Variants in PYGL observed in about 807,000 individuals in gnomAD.
PYGL encodes glycogen phosphorylase, liver form.
Under a neutral mutation model 100.1 loss-of-function variants are expected in PYGL, and 90 were observed. That is an observed-to-expected ratio of 0.90 (90% CI 0.76 to 1.07). The LOEUF is 1.07. PYGL is among the 50% of genes least tolerant of loss of function. The probability of loss-of-function intolerance (pLI) is 0.00; values close to 1 mark genes in which losing one functional copy is unlikely to be tolerated. For synonymous variants in PYGL, 373 were observed against 393.0 expected (o/e 0.95, Z 0.60); for missense variants, 1,016 against 1,057.6 (o/e 0.96, Z 0.55).
At chr14:50,929,473 C>G (rs552635061) in intron 4 of PYGL, among the ~76,000 whole-genome samples, 3 of 151,968 alleles carry the variant, frequency 2.0e-5, no homozygotes, top group African/African-American at 7.2e-5. Flanking sequence ...TTTCCTGGAA[C>G]AAAGATCATT....
chr14:50,944,124 G>A (rs755773236), intron 1 of PYGL, 37 bp downstream of exon 1: 2 of 1,574,130 alleles, frequency 1.3e-6, no homozygotes, highest in Non-Finnish European at 1.7e-6. Context: ...CTCCGACTCC[G>A]GGCTGGACCC....
intron 3 of PYGL, 67 bp downstream of exon 3, chr14:50,935,040 G>T (rs2050641669): frequency 7.1e-7 from 1 of 1,414,740 alleles, no homozygotes. Flanking sequence ...TGCAAGCATG[G>T]TCATGCATGG....
chr14:50,925,549 TA>T (rs2050539972), intron 4 of PYGL, among the ~76,000 whole-genome samples: 1 of 152,232 alleles, frequency 6.6e-6, no homozygotes, highest in Non-Finnish European at 1.5e-5. Flanking sequence ...CATGATCACC[TA>T]AACATGAGTG....
chr14:50,915,831 A>C lies in PYGL; in HGVS notation c.1233T>G (p.His411Gln). ...ATCTCTCAAAATGACTTACATCTAA[A>C]TGCTTCTGATTTATCTCATAAATGA... is the stretch of plus-strand genomic sequence containing the variant. ...LEIIYEINQK[H>Q]LDRIVALFPK... Residue 411 changes from histidine (H) to glutamine (Q), a missense_variant, in exon 10 of 20, where the codon CAT (histidine) becomes CAG (glutamine). Physicochemically the swap from His to Gln is conservative, Grantham distance 24. Coordinates refer to ENST00000216392, the MANE Select transcript of PYGL (RefSeq NM_002863.5). The C allele has an allele frequency of 8.7e-6, 14 of 1,614,008 alleles. No homozygotes were observed. The highest frequency in any genetic ancestry group is 1.2e-5 in the Non-Finnish European group (14 of 1,179,916).
chr14:50,931,543 C>T, intron 4 of PYGL, 130 bp downstream of exon 4: 1 of 831,502 alleles, frequency 1.2e-6, no homozygotes, highest in African/African-American at 1.7e-5. Flanking sequence ...AGATAGAACT[C>T]ACTGATACCA....
At chr14:50,930,519 G>T (rs1211038139) in intron 4 of PYGL, among the ~76,000 whole-genome samples, 5 of 152,184 alleles carry the variant, frequency 3.3e-5, no homozygotes, top group Admixed American at 6.5e-5. Context: ...GTGGAAGTTT[G>T]TCTTCCACTC....
intron 2 of PYGL, among the ~76,000 whole-genome samples, chr14:50,935,514 G>T (rs1596050889): frequency 6.6e-6 from 1 of 152,282 alleles, no homozygotes; most frequent in East Asian, 1.9e-4. Flanking sequence ...CTACCTCACT[G>T]ATGATTGCCG....
chr14:50,930,396 T>C (rs2050591963), intron 4 of PYGL, among the ~76,000 whole-genome samples: 2 of 152,234 alleles, frequency 1.3e-5, no homozygotes, highest in African/African-American at 4.8e-5. Context: ...AAGTTGACAT[T>C]AGGTCTCAAA....
At chr14:50,939,509 C>G (rs2050686423) in intron 1 of PYGL, among the ~76,000 whole-genome samples, 1 of 152,030 alleles carries the variant, frequency 6.6e-6, no homozygotes, top group Non-Finnish European at 1.5e-5. Context: ...CAAATATCAT[C>G]AGAGTTGAAG....
Position 50,920,548 on chromosome 14 carries a change from T to A in PYGL, c.848A>T (p.Asn283Ile), listed in dbSNP as rs775341500. The change falls in exon 7 of 20, where the codon AAT becomes ATT. Residue 283 changes from asparagine (N) to isoleucine (I), a missense_variant. Transcript: ENST00000216392. ...GCAACCTTGATCACTCACATTGTCA[T>A]TGGGATAGAGGACCCGGGAGATGTT... Reference protein sequence around the residue: ...AENISRVLYPNDNFFEGKELR... With the variant: ...AENISRVLYPIDNFFEGKELR... 3.1e-6 allele frequency: 5 copies of A among 1,611,072 alleles called. No homozygotes were observed. The highest frequency in any genetic ancestry group is 2.7e-5 in the African/African-American group (2 of 74,864).
At chr14:50,923,364 T>G (rs56120861) in intron 5 of PYGL, 12,990 of 152,676 alleles carry the variant, frequency 0.085, 735 homozygotes, top group South Asian at 0.2. Flanking sequence ...CTCAGCTCAC[T>G]GCAACCTCCA....
chr14:50,937,171 C>G (rs1204395747), intron 2 of PYGL, among the ~76,000 whole-genome samples: 1 of 152,160 alleles, frequency 6.6e-6, no homozygotes, highest in African/African-American at 2.4e-5. Context: ...ATGAAGGTGC[C>G]TGAAGCTCAG....
At chr14:50,926,725 CAAAAAAAAAA>C (rs60411526) in intron 4 of PYGL, among the ~76,000 whole-genome samples, 4 of 42,830 alleles carry the variant, frequency 9.3e-5, no homozygotes, top group South Asian at 1.0e-3. Flanking sequence ...GACTCTGTCT[CAAAAAAAAAA>C]AAAAAAAAAA....
Position 50,908,878 on chromosome 14 carries a change from GA to G in PYGL, c.2254del (p.Ser752LeufsTer37). 6.5e-7 allele frequency: 1 copy of G among 1,541,466 alleles called. No individual in the cohort carries two copies. Among genetic ancestry groups the G allele is most frequent in the Non-Finnish European group, 8.9e-7 (1 of 1,126,174 alleles). On this transcript the variant is annotated frameshift_variant, in exon 18 of 20. Coordinates refer to ENST00000216392, the MANE Select transcript of PYGL (RefSeq NM_002863.5). LOFTEE classifies it high-confidence loss of function. ...TTTGAAGAGGTCAGGCTGCTTGGGA[GA>G]AAAAAAGCCATTGTCAATTTGATCA... ...VIDQIDNGFF[S>X]PKQPDLFKDI...
chr14:50,926,165 A>T (rs760891476), intron 4 of PYGL, among the ~76,000 whole-genome samples: 1 of 152,158 alleles, frequency 6.6e-6, no homozygotes, highest in Non-Finnish European at 1.5e-5. Flanking sequence ...AGCCTGGGCA[A>T]CATAGTGAGA....
Position 50,908,970 on chromosome 14 carries a change from TG to T in PYGL, c.2178-16del. 2.5e-6 allele frequency: 3 copies of T among 1,186,344 alleles called. No homozygotes were observed. The highest frequency in any genetic ancestry group is 3.6e-6 in the Non-Finnish European group (3 of 822,046). 73.5% of individuals were successfully genotyped at this position (1,186,344 alleles called of 1,614,324 possible). A position where few individuals can be genotyped will look rare whatever the true frequency, so the allele number is the denominator to read the frequency against. On this transcript the variant is annotated splice_polypyrimidine_tract_variant and intron_variant, in intron 17 of 19. Transcript: ENST00000216392. Reference sequence around the variant, plus strand: ...TTGCCTCGTACCTGTGGGGTAGGGGTGGGTGGGTGATAAAAAAAGGCTCTGT... The same window carrying T: ...TTGCCTCGTACCTGTGGGGTAGGGGTGGTGGGTGATAAAAAAAGGCTCTGT...
At chr14:50,908,065 A>C (rs975953397) in intron 19 of PYGL, 20 of 453,340 alleles carry the variant, frequency 4.4e-5, no homozygotes, top group Non-Finnish European at 7.4e-5. Context: ...TGAAATGTCA[A>C]ATCTCAACCT....
intron 4 of PYGL, among the ~76,000 whole-genome samples, chr14:50,927,929 G>A (rs956135769): frequency 5.9e-5 from 9 of 152,202 alleles, no homozygotes; most frequent in African/African-American, 2.2e-4. Flanking sequence ...CATGTAGCCA[G>A]TGATCCCCAA....
At chr14:50,937,040 G>C (rs535684226) in intron 2 of PYGL, among the ~76,000 whole-genome samples, 1 of 152,254 alleles carries the variant, frequency 6.6e-6, no homozygotes, top group South Asian at 2.1e-4. Context: ...CACATGAGGG[G>C]ACAATCCCAT....
Sources: allele counts gnomAD v4.1 joint callset (sites outside exome capture counted in the v4.1 genomes callset), GRCh38; gene constraint gnomAD v4.1.1; transcripts MANE v1.5; gene names NCBI Gene and HGNC (gene_info 2026-07-23, HGNC 2026-07-21).